Variants in VOPP1 observed in about 807,000 individuals in gnomAD.
VOPP1 encodes WW domain binding protein VOPP1.
A neutral mutation model predicts 23.5 loss-of-function variants in VOPP1; 8 were observed. The observed-to-expected ratio is 0.34, with a 90% CI of 0.20 to 0.61. The LOEUF (loss-of-function observed/expected upper bound fraction) is 0.61, where lower values mean the gene tolerates loss of function less well. VOPP1 is among the 20% of genes least tolerant of loss of function. The probability of loss-of-function intolerance (pLI) is 0.78; values close to 1 mark genes in which losing one functional copy is unlikely to be tolerated. For missense variants in VOPP1, 174 were observed against 238.1 expected (o/e 0.73, Z 1.77); for synonymous variants, 83 against 97.3 (o/e 0.85, Z 0.86).
At chr7:55,522,856 TTC>T (rs1398073076) in intron 1 of VOPP1, among the ~76,000 whole-genome samples, 14 of 152,224 alleles carry the variant, frequency 9.2e-5, no homozygotes, top group Middle Eastern at 3.2e-3. Flanking sequence ...GTCTAAAGCA[TTC>T]CCAGATCCAA....
chr7:55,556,813 G>A (rs979195605), intron 1 of VOPP1, among the ~76,000 whole-genome samples: 39 of 152,100 alleles, frequency 2.6e-4, no homozygotes, highest in African/African-American at 9.2e-4. Context: ...CTGAATTAAT[G>A]ACCCTTGTTG....
intron 1 of VOPP1, among the ~76,000 whole-genome samples, chr7:55,535,961 G>A (rs1796760493): frequency 6.6e-6 from 1 of 152,142 alleles, no homozygotes; most frequent in South Asian, 2.1e-4. Flanking sequence ...TCCTACACCT[G>A]ACCCACACTC....
At chr7:55,546,101 G>GA (rs1310159141) in intron 1 of VOPP1, among the ~76,000 whole-genome samples, 4 of 152,128 alleles carry the variant, frequency 2.6e-5, no homozygotes, top group East Asian at 1.9e-4. Flanking sequence ...AAGAAAAAGT[G>GA]AAAAAACGGA....
At chr7:55,476,061 G>T (rs1353135146) in intron 4 of VOPP1, among the ~76,000 whole-genome samples, 1 of 152,202 alleles carries the variant, frequency 6.6e-6, no homozygotes, top group Non-Finnish European at 1.5e-5. Flanking sequence ...GGGTGGGATG[G>T]GAGAGCCACA....
chr7:55,547,645 C>T (rs1338067650), intron 1 of VOPP1, among the ~76,000 whole-genome samples: 1 of 152,122 alleles, frequency 6.6e-6, no homozygotes. Context: ...CTACTAGCTA[C>T]CAATAGACAT....
intron 4 of VOPP1, among the ~76,000 whole-genome samples, chr7:55,460,141 CA>C (rs1280281565): frequency 6.6e-6 from 1 of 152,138 alleles, no homozygotes; most frequent in Admixed American, 6.5e-5. Flanking sequence ...AGTGGTCATT[CA>C]GGAGCATATT....
At chr7:55,477,539 G>T (rs1306786726) in intron 4 of VOPP1, among the ~76,000 whole-genome samples, 1 of 152,222 alleles carries the variant, frequency 6.6e-6, no homozygotes, top group East Asian at 1.9e-4. Context: ...TGCTGCAGGT[G>T]AGGGAGGGGC....
downstream of VOPP1, among the ~76,000 whole-genome samples, chr7:55,468,565 C>T (rs1015218870): frequency 1.3e-5 from 2 of 152,206 alleles, no homozygotes; most frequent in Admixed American, 1.3e-4. Context: ...TCGGAGGGAC[C>T]TGAAGGTTTG....
At chr7:55,486,714 G>A (rs1000405066) in intron 4 of VOPP1, among the ~76,000 whole-genome samples, 2 of 152,240 alleles carry the variant, frequency 1.3e-5, no homozygotes, top group African/African-American at 4.8e-5. Flanking sequence ...TGGTAGCCAT[G>A]AGAATGTATG....
chr7:55,497,824 C>A (rs1794084069), intron 2 of VOPP1, 134 bp from the exon 3 acceptor site: 5 of 724,460 alleles, frequency 6.9e-6, no homozygotes, highest in Non-Finnish European at 1.2e-5. Flanking sequence ...ACAGAACTGC[C>A]TCCACTGCAT....
rs144968004 is a variant in VOPP1 at position 55,491,638 on chromosome 7, G to A, written c.328+644C>T. Among the ~76,000 whole-genome samples the A allele has an allele frequency of 3.1e-3, 477 of 152,346 alleles. 5 individuals carry two copies. The highest frequency in any genetic ancestry group is 0.011 in the African/African-American group (452 of 41,568). On this transcript the variant is annotated intron_variant, in intron 4 of 4. Coordinates refer to ENST00000285279, the MANE Select transcript of VOPP1 (RefSeq NM_030796.5). ...AAGTCCACACCACCCACCACAGTAT[G>A]TAGGAGTTTTAGATGGCTAAGGCAA...
At chr7:55,483,308 C>A (rs1016619209) in intron 4 of VOPP1, among the ~76,000 whole-genome samples, 3 of 152,118 alleles carry the variant, frequency 2.0e-5, no homozygotes, top group Admixed American at 1.3e-4. Flanking sequence ...AGGGACCATG[C>A]ATGTCTTCAG....
intron 4 of VOPP1, among the ~76,000 whole-genome samples, chr7:55,488,398 C>T (rs1291390409): frequency 1.3e-5 from 2 of 152,314 alleles, no homozygotes; most frequent in East Asian, 3.9e-4. Flanking sequence ...GCCCTTCGGC[C>T]AGCAGCTGCA....
intron 1 of VOPP1, among the ~76,000 whole-genome samples, chr7:55,548,810 A>G (rs1180942877): frequency 6.6e-6 from 1 of 152,276 alleles, no homozygotes; most frequent in Non-Finnish European, 1.5e-5. Context: ...GTAGATTATA[A>G]GTAGACGAAA....
At chr7:55,513,828 G>C (rs1369698060) in intron 2 of VOPP1, among the ~76,000 whole-genome samples, 1 of 152,180 alleles carries the variant, frequency 6.6e-6, no homozygotes, top group Non-Finnish European at 1.5e-5. Flanking sequence ...TTGGTGTCAA[G>C]AATACTCAAC....
chr7:55,486,479 G>C (rs886106832), intron 4 of VOPP1, among the ~76,000 whole-genome samples: 1 of 152,174 alleles, frequency 6.6e-6, no homozygotes, highest in Admixed American at 6.5e-5. Context: ...GGAAAGAGAA[G>C]TGCCGCGTAA....
At chr7:55,550,766 G>A (rs974702213) in intron 1 of VOPP1, among the ~76,000 whole-genome samples, 4 of 152,142 alleles carry the variant, frequency 2.6e-5, no homozygotes, top group African/African-American at 4.8e-5. Context: ...ATATGTTAAC[G>A]ACCAGTGTAT....
chr7:55,490,606 G>A (rs1288188840), intron 4 of VOPP1, among the ~76,000 whole-genome samples: 1 of 152,166 alleles, frequency 6.6e-6, no homozygotes, highest in African/African-American at 2.4e-5. Flanking sequence ...TGGGGCAGGG[G>A]CTGCTCCTCC....
Position 55,507,908 on chromosome 7 carries a change from C to T in VOPP1, c.114-10218G>A, listed in dbSNP as rs949368804. ...GCTTTGATGAGGCCTGAGCCCGAGA[C>T]GTTGAGGGTGGGAAGATGGCTGCCC... On this transcript the variant is annotated intron_variant, in intron 2 of 4. Coordinates refer to ENST00000285279, the MANE Select transcript of VOPP1 (RefSeq NM_030796.5). Among the ~76,000 whole-genome samples the T allele has an allele frequency of 2.6e-5, 4 of 152,108 alleles. No individual in the cohort carries two copies. In the East Asian group the frequency reaches 7.7e-4, roughly 29 times the overall value.
Sources: gnomAD v4.1 joint callset for allele counts (sites outside exome capture counted in the v4.1 genomes callset) on GRCh38, gnomAD v4.1.1 for gene constraint, MANE v1.5 for transcripts, NCBI Gene and HGNC (gene_info 2026-07-23, HGNC 2026-07-21) for gene names.